The following NAALADL2 variants were observed in gnomAD, a reference collection of about 807,000 sequenced individuals.
NAALADL2 encodes the protein inactive N-acetylated-alpha-linked acidic dipeptidase-like protein 2.
Under a neutral mutation model 87.2 loss-of-function variants are expected in NAALADL2, and 76 were observed. The observed-to-expected ratio is 0.87, with a 90% confidence interval of 0.72 to 1.05. The LOEUF (loss-of-function observed/expected upper bound fraction) is 1.05. Among genes scored for constraint, NAALADL2 ranks in the 50% least tolerant of loss-of-function variants. NAALADL2 has a pLI of 0.00. For synonymous variants in NAALADL2, 354 were observed against 331.0 expected (o/e 1.07, Z -0.75); for missense variants, 1,089 against 945.8 (o/e 1.15, Z -1.99).
intron 1 of NAALADL2, among the ~76,000 whole-genome samples, chr3:174,929,085 G>GA (rs1384764740): frequency 6.6e-6 from 1 of 152,172 alleles, no homozygotes; most frequent in Non-Finnish European, 1.5e-5. Context: ...GAAATTGACT[G>GA]AAAAAATAAA....
At chr3:174,837,289 A>T (rs927180452) in intron 3 of NAALADL2, among the ~76,000 whole-genome samples, 3 of 152,244 alleles carry the variant, frequency 2.0e-5, no homozygotes, top group African/African-American at 4.8e-5. Context: ...AAACAAGCTT[A>T]GTTAGAAATG....
chr3:175,728,999 T>C (rs1375903461), intron 11 of NAALADL2, among the ~76,000 whole-genome samples: 3 of 152,214 alleles, frequency 2.0e-5, no homozygotes, highest in Non-Finnish European at 2.9e-5. Flanking sequence ...TAGAATACCT[T>C]TCTCATTTTA....
At chr3:175,702,738 G>A (rs954734248) in intron 11 of NAALADL2, among the ~76,000 whole-genome samples, 2 of 152,020 alleles carry the variant, frequency 1.3e-5, no homozygotes, top group Admixed American at 6.6e-5. Flanking sequence ...TAAGGAAAAG[G>A]AACATCTTCA....
At chr3:174,746,146 G>C (rs541360640) in intron 3 of NAALADL2, among the ~76,000 whole-genome samples, 1 of 152,152 alleles carries the variant, frequency 6.6e-6, no homozygotes, top group Non-Finnish European at 1.5e-5. Flanking sequence ...AACTGTCTCT[G>C]TTTGCAGATG....
At chr3:174,664,009 G>A (rs576421331) in intron 2 of NAALADL2, among the ~76,000 whole-genome samples, 16 of 151,932 alleles carry the variant, frequency 1.1e-4, no homozygotes, top group Admixed American at 4.6e-4. Context: ...GGCTGGTCTC[G>A]AACTCCTGAA....
At chr3:174,803,132 C>T (rs1328065819) in intron 3 of NAALADL2, among the ~76,000 whole-genome samples, 1 of 152,132 alleles carries the variant, frequency 6.6e-6, no homozygotes, top group Non-Finnish European at 1.5e-5. Flanking sequence ...ACATCCTCTC[C>T]AGCATCTGTT....
chr3:174,613,813 T>C (rs553562896), intron 2 of NAALADL2, among the ~76,000 whole-genome samples: 2 of 152,212 alleles, frequency 1.3e-5, no homozygotes, highest in Non-Finnish European at 2.9e-5. Context: ...AGGCAAAGTC[T>C]CATTTACTTA....
At chr3:175,140,462 A>G (rs528586243) in intron 2 of NAALADL2, among the ~76,000 whole-genome samples, 69 of 152,316 alleles carry the variant, frequency 4.5e-4, no homozygotes, top group African/African-American at 1.5e-3. Flanking sequence ...ATAGATGCAC[A>G]TAAAAGGGAC....
chr3:175,037,397 C>T (rs758275826), intron 1 of NAALADL2, among the ~76,000 whole-genome samples: 7 of 152,042 alleles, frequency 4.6e-5, no homozygotes, highest in Non-Finnish European at 5.9e-5. Context: ...GAAATTGCCT[C>T]ATGACAACAC....
intron 2 of NAALADL2, among the ~76,000 whole-genome samples, chr3:175,172,513 T>G: frequency 6.6e-6 from 1 of 151,910 alleles, no homozygotes; most frequent in East Asian, 1.9e-4. Flanking sequence ...AAAAGAACTA[T>G]AAATATCTGA....
At chr3:175,110,096 G>A (rs950867718) in intron 2 of NAALADL2, among the ~76,000 whole-genome samples, 4 of 151,626 alleles carry the variant, frequency 2.6e-5, no homozygotes, top group Non-Finnish European at 5.9e-5. Flanking sequence ...ATTGTGTTTT[G>A]GGGCATTTTT....
intron 6 of NAALADL2, among the ~76,000 whole-genome samples, chr3:175,452,247 CTT>C (rs1045270269): frequency 1.4e-4 from 22 of 152,208 alleles, no homozygotes; most frequent in African/African-American, 4.8e-4. Flanking sequence ...CTCTCTCTCT[CTT>C]GCTATGTCTT....
At chr3:175,639,225 G>A (rs995415657) in intron 11 of NAALADL2, among the ~76,000 whole-genome samples, 1 of 151,764 alleles carries the variant, frequency 6.6e-6, no homozygotes, top group Non-Finnish European at 1.5e-5. Flanking sequence ...TAGCAAACAG[G>A]TGCACCTGTT....
intron 11 of NAALADL2, among the ~76,000 whole-genome samples, chr3:175,736,377 A>T (rs914200237): frequency 9.9e-5 from 15 of 152,236 alleles, no homozygotes; most frequent in Non-Finnish European, 2.2e-4. Context: ...TTAAAAAGCA[A>T]TTAGGAATAG....
At chr3:175,227,195 G>T (rs1223350767) in intron 2 of NAALADL2, among the ~76,000 whole-genome samples, 3 of 151,948 alleles carry the variant, frequency 2.0e-5, no homozygotes, top group Admixed American at 1.3e-4. Flanking sequence ...CATTCAACCT[G>T]GTGTTAGGAA....
intron 1 of NAALADL2, among the ~76,000 whole-genome samples, chr3:175,021,900 G>T (rs966923910): frequency 6.6e-6 from 1 of 152,094 alleles, no homozygotes; most frequent in Non-Finnish European, 1.5e-5. Context: ...AAGTTGAAAT[G>T]TGATCTTCAA....
At chr3:174,750,913 C>T (rs142559693) in intron 3 of NAALADL2, among the ~76,000 whole-genome samples, 1 of 152,004 alleles carries the variant, frequency 6.6e-6, no homozygotes, top group African/African-American at 2.4e-5. Context: ...TTTTTTCTCT[C>T]AGTATGTTTG....
chr3:175,507,898 A>G (rs1730575478), intron 9 of NAALADL2, among the ~76,000 whole-genome samples: 1 of 151,974 alleles, frequency 6.6e-6, no homozygotes, highest in Non-Finnish European at 1.5e-5. Context: ...TCTTGCATTG[A>G]TATAAAGAAA....
intron 2 of NAALADL2, among the ~76,000 whole-genome samples, chr3:175,134,672 G>T (rs1265100256): frequency 6.6e-6 from 1 of 151,462 alleles, no homozygotes; most frequent in Non-Finnish European, 1.5e-5. Context: ...AAGACTAAGG[G>T]TGAGGGTGGA....
Sources: allele counts gnomAD v4.1 joint callset (sites outside exome capture counted in the v4.1 genomes callset), GRCh38; gene constraint gnomAD v4.1.1; transcripts MANE v1.5; gene names NCBI Gene and HGNC (gene_info 2026-07-23, HGNC 2026-07-21).